Variants in GRXCR1 observed in about 807,000 individuals in gnomAD.
GRXCR1 encodes glutaredoxin domain-containing cysteine-rich protein 1.
In GRXCR1, 27 loss-of-function variants were observed where a neutral mutation model predicts 27.3. The observed-to-expected ratio is 0.99, with a 90% CI of 0.73 to 1.37. GRXCR1 has a LOEUF of 1.37. Ranked by LOEUF, GRXCR1 falls within the 40% of genes most tolerant of loss-of-function variation. GRXCR1 has a pLI of 0.00. For missense variants in GRXCR1, 379 were observed against 354.4 expected (o/e 1.07, Z -0.56); for synonymous variants, 122 against 131.1 (o/e 0.93, Z 0.47).
rs184404510 is a variant in GRXCR1 at position 42,898,935 on chromosome 4, G to A, written c.384+5285G>A. Reference sequence around the variant, plus strand: ...GCGAGAAACTACACTAAGAGATTAAGTGACTTATGTAAAAAGCAGGAAAGA... The same window carrying A: ...GCGAGAAACTACACTAAGAGATTAAATGACTTATGTAAAAAGCAGGAAAGA... On this transcript the variant is annotated intron_variant, in intron 1 of 3. Transcript: ENST00000399770. 2.0e-5 allele frequency among the ~76,000 whole-genome samples: 3 copies of A among 152,186 alleles called. No individual in the cohort carries two copies. The East Asian group carries it at 5.8e-4, about 29-fold the overall frequency.
intron 1 of GRXCR1, among the ~76,000 whole-genome samples, chr4:42,932,974 G>C (rs957380216): frequency 1.3e-5 from 2 of 151,698 alleles, no homozygotes; most frequent in African/African-American, 4.8e-5. Flanking sequence ...AATGATGAGA[G>C]AATCATCTAT....
intron 2 of GRXCR1, among the ~76,000 whole-genome samples, chr4:43,007,242 C>T (rs1712590918): frequency 6.6e-6 from 1 of 152,168 alleles, no homozygotes; most frequent in Non-Finnish European, 1.5e-5. Flanking sequence ...TTTGTATATT[C>T]AAGCATGTGC....
At chr4:42,978,055 CTG>C (rs1748564949) in intron 2 of GRXCR1, among the ~76,000 whole-genome samples, 2 of 152,022 alleles carry the variant, frequency 1.3e-5, no homozygotes, top group Non-Finnish European at 2.9e-5. Flanking sequence ...ATTGAAGAAA[CTG>C]TGCTTTCCCC....
intron 2 of GRXCR1, among the ~76,000 whole-genome samples, chr4:43,019,820 T>A (rs1032873290): frequency 6.6e-6 from 1 of 152,110 alleles, no homozygotes; most frequent in South Asian, 2.1e-4. Context: ...AATAATAGAG[T>A]CTGCTACGGC....
intron 2 of GRXCR1, among the ~76,000 whole-genome samples, chr4:43,017,263 T>C (rs75307404): frequency 0.031 from 4,708 of 152,276 alleles, 80 homozygotes; most frequent in African/African-American, 0.038. Context: ...CAGTCTCTCA[T>C]ATACCCCAGA....
intron 1 of GRXCR1, among the ~76,000 whole-genome samples, chr4:42,937,884 T>C (rs1482151249): frequency 6.6e-6 from 1 of 152,008 alleles, no homozygotes; most frequent in Non-Finnish European, 1.5e-5. Flanking sequence ...ACATGAGGTG[T>C]CCATCACCTG....
chr4:42,902,537 C>A (rs900513707), intron 1 of GRXCR1, among the ~76,000 whole-genome samples: 3 of 150,248 alleles, frequency 2.0e-5, no homozygotes, highest in African/African-American at 7.3e-5. Context: ...TCATTGATGG[C>A]ATTTAGATAG....
At chr4:42,948,349 T>C (rs1273564177) in intron 1 of GRXCR1, among the ~76,000 whole-genome samples, 1 of 152,122 alleles carries the variant, frequency 6.6e-6, no homozygotes, top group Non-Finnish European at 1.5e-5. Flanking sequence ...AATGCACTTG[T>C]TTCTTTTTTA....
intron 3 of GRXCR1, among the ~76,000 whole-genome samples, chr4:43,026,263 C>G (rs77021709): frequency 0.041 from 6,230 of 152,178 alleles, 377 homozygotes; most frequent in African/African-American, 0.14. Context: ...CAATATAACC[C>G]AACTGGGTTT....
rs1342309052 is a variant in GRXCR1, at chr4:42,960,073, T to A, written c.385-2819T>A. On this transcript the variant is annotated intron_variant, in intron 1 of 3. Coordinates refer to ENST00000399770, the MANE Select transcript of GRXCR1 (RefSeq NM_001080476.3). ...TATTAGTATTTTGAAAATGCATGTG[T>A]CTTAGAGACACAGAAAGGTGGTATA... 2.6e-5 allele frequency among the ~76,000 whole-genome samples: 4 copies of A among 151,924 alleles called. No homozygotes were observed. In the East Asian group the frequency reaches 7.7e-4, roughly 29 times the overall value.
intron 1 of GRXCR1, among the ~76,000 whole-genome samples, chr4:42,932,587 TATATATATATATATATATA>T (rs1195763053): frequency 6.3e-3 from 253 of 39,880 alleles, no homozygotes; most frequent in African/African-American, 9.5e-3. Flanking sequence ...CATATATATA[TATATATATATATATATATA>T]TATATATATA....
chr4:42,993,844 GT>G (rs1454157829), intron 2 of GRXCR1, among the ~76,000 whole-genome samples: 4 of 152,170 alleles, frequency 2.6e-5, no homozygotes, highest in Non-Finnish European at 5.9e-5. Flanking sequence ...ATCCAAATAA[GT>G]ATCAGCAATT....
At position 42,931,970 on chromosome 4, in the gene GRXCR1, A is replaced by G. The variant is rs1747321224; in HGVS notation, c.385-30922A>G. ...GGTGGCCGGCAATAGAGAGGCAGAG[A>G]AACTACCCTTTATAAAACCATCACA... On this transcript the variant is annotated intron_variant, in intron 1 of 3. Coordinates refer to ENST00000399770, the MANE Select transcript of GRXCR1 (RefSeq NM_001080476.3). 2.6e-5 allele frequency among the ~76,000 whole-genome samples: 4 copies of G among 151,884 alleles called. No individual in the cohort carries two copies. In the South Asian group the frequency reaches 8.3e-4, roughly 31 times the overall value.
chr4:42,909,889 G>A (rs182827453), intron 1 of GRXCR1, among the ~76,000 whole-genome samples: 28 of 152,234 alleles, frequency 1.8e-4, no homozygotes, highest in African/African-American at 6.7e-4. Context: ...GTAGGAGGGA[G>A]GGATGAAGGC....
intron 2 of GRXCR1, among the ~76,000 whole-genome samples, chr4:43,002,560 G>A (rs1041432492): frequency 2.0e-5 from 3 of 152,146 alleles, no homozygotes; most frequent in Non-Finnish European, 4.4e-5. Context: ...TCTCAGCAAA[G>A]CAATTGTTTA....
intron 1 of GRXCR1, among the ~76,000 whole-genome samples, chr4:42,953,957 G>C (rs1747941188): frequency 6.6e-6 from 1 of 152,012 alleles, no homozygotes; most frequent in South Asian, 2.1e-4. Context: ...ACTAAGACTG[G>C]TCAGGAAACT....
intron 2 of GRXCR1, among the ~76,000 whole-genome samples, chr4:42,979,806 G>C (rs1022858768): frequency 6.6e-6 from 1 of 151,818 alleles, no homozygotes; most frequent in Non-Finnish European, 1.5e-5. Flanking sequence ...TTGGGCTTTT[G>C]TATGATGAAA....
chr4:42,946,344 A>C (rs1476244416), intron 1 of GRXCR1, among the ~76,000 whole-genome samples: 2 of 152,182 alleles, frequency 1.3e-5, no homozygotes, highest in Non-Finnish European at 2.9e-5. Context: ...GAATTAAAAC[A>C]TTATTGGTAT....
intron 3 of GRXCR1, among the ~76,000 whole-genome samples, chr4:43,026,979 T>C (rs1470304588): frequency 1.3e-5 from 2 of 152,186 alleles, no homozygotes; most frequent in African/African-American, 4.8e-5. Flanking sequence ...ACACATTTAC[T>C]CTCCCTTTCT....
Sources: allele counts gnomAD v4.1 joint callset (sites outside exome capture counted in the v4.1 genomes callset), GRCh38; gene constraint gnomAD v4.1.1; transcripts MANE v1.5; gene names NCBI Gene and HGNC (gene_info 2026-07-23, HGNC 2026-07-21).